RORA: variants seen among roughly 807,000 people sequenced by gnomAD.
The protein encoded by RORA is nuclear receptor ROR-alpha.
RORA carries 7 observed loss-of-function variants against 69.5 expected under a neutral mutation model. That is an observed-to-expected ratio of 0.10 (90% CI 0.06 to 0.19). The LOEUF (loss-of-function observed/expected upper bound fraction) is 0.19. Among genes scored for constraint, RORA ranks in the 10% least tolerant of loss-of-function variants. RORA has a pLI of 1.00. For synonymous variants in RORA, 261 were observed against 240.8 expected (o/e 1.08, Z -0.78); for missense variants, 457 against 663.0 (o/e 0.69, Z 3.41).
At chr15:60,892,772 A>G (rs1425358102) in intron 1 of RORA, among the ~76,000 whole-genome samples, 1 of 152,224 alleles carries the variant, frequency 6.6e-6, no homozygotes, top group Admixed American at 6.5e-5. Flanking sequence ...TCTTACTGTG[A>G]AAGAAATTTT....
intron 1 of RORA, among the ~76,000 whole-genome samples, chr15:61,129,306 T>C (rs1020300318): frequency 3.9e-5 from 6 of 152,178 alleles, no homozygotes; most frequent in Non-Finnish European, 7.4e-5. Context: ...ATGGCAATGT[T>C]TTCTTGAAAA....
chr15:60,520,515 A>G (rs1595902685), intron 3 of RORA, among the ~76,000 whole-genome samples: 1 of 152,190 alleles, frequency 6.6e-6, no homozygotes, highest in Admixed American at 6.5e-5. Context: ...GAAGAAGAAA[A>G]GTAGAAAGTG....
chr15:60,908,231 A>T (rs1891601050), intron 1 of RORA, among the ~76,000 whole-genome samples: 1 of 152,190 alleles, frequency 6.6e-6, no homozygotes, highest in South Asian at 2.1e-4. Context: ...GCCTGAGCTG[A>T]CCGTAGGGTG....
intron 1 of RORA, among the ~76,000 whole-genome samples, chr15:60,893,538 C>A (rs769307799): frequency 7.2e-5 from 11 of 152,192 alleles, no homozygotes; most frequent in Non-Finnish European, 1.5e-4. Context: ...ATCAAAGCAG[C>A]CGATATGCAG....
intron 1 of RORA, among the ~76,000 whole-genome samples, chr15:60,944,310 C>T (rs1892796740): frequency 6.6e-6 from 1 of 152,170 alleles, no homozygotes; most frequent in African/African-American, 2.4e-5. Context: ...GCTAGAACCA[C>T]TGGTCTAGAC....
At chr15:61,177,347 C>T (rs2079638821) in intron 1 of RORA, among the ~76,000 whole-genome samples, 2 of 152,080 alleles carry the variant, frequency 1.3e-5, no homozygotes, top group Non-Finnish European at 2.9e-5. Flanking sequence ...GCTTTTCACC[C>T]GAGACGTTTT....
chr15:60,892,397 T>G lies in RORA; in HGVS notation c.167-213711A>C, dbSNP rs183616437. 3.3e-5 allele frequency among the ~76,000 whole-genome samples: 5 copies of G among 152,312 alleles called. No individual in the cohort carries two copies. The East Asian group carries it at 9.6e-4, about 29-fold the overall frequency. On this transcript the variant is annotated intron_variant, in intron 1 of 10. Transcript: ENST00000335670. ...GGTAATTATATAGTGAAGGAGCCAG[T>G]GAAGAAAAACTTGAAGCTTTTGCAA...
chr15:60,895,202 G>C (rs141376278), intron 1 of RORA, among the ~76,000 whole-genome samples: 2 of 152,266 alleles, frequency 1.3e-5, no homozygotes, highest in African/African-American at 2.4e-5. Context: ...CTTGATACCC[G>C]GAGGCAAGAA....
chr15:60,523,143 G>A (rs2066233609), intron 3 of RORA, among the ~76,000 whole-genome samples: 1 of 152,148 alleles, frequency 6.6e-6, no homozygotes, highest in Non-Finnish European at 1.5e-5. Context: ...ATAAAAAGTG[G>A]AAGAAATGTT....
At chr15:60,704,300 G>T (rs777285112) in intron 1 of RORA, among the ~76,000 whole-genome samples, 23 of 152,236 alleles carry the variant, frequency 1.5e-4, no homozygotes, top group Non-Finnish European at 3.2e-4. Flanking sequence ...ACCGGCATGC[G>T]GTTGCAAGGA....
At chr15:60,614,890 G>A (rs772254119) in intron 2 of RORA, 13 of 1,608,874 alleles carry the variant, frequency 8.1e-6, no homozygotes, top group Admixed American at 3.3e-5. Context: ...CTCAAATAAC[G>A]CACCTTTTCT....
intron 1 of RORA, among the ~76,000 whole-genome samples, chr15:61,218,604 T>A (rs1270190646): frequency 6.6e-6 from 1 of 151,694 alleles, no homozygotes; most frequent in East Asian, 1.9e-4. Context: ...AATCCCAGCA[T>A]CCACAGATGA....
Position 60,986,913 on chromosome 15 carries a change from C to T in RORA, c.166+242140G>A, listed in dbSNP as rs183091122. On this transcript the variant is annotated intron_variant, in intron 1 of 10. Transcript: ENST00000335670. ...ACTGACACCTTGATTCAACACAATC[C>T]GCAGACCGGGTGATTAAATAAAGCA... 4.6e-5 allele frequency among the ~76,000 whole-genome samples: 7 copies of T among 152,268 alleles called. No individual in the cohort carries two copies. In the East Asian group the frequency reaches 5.8e-4, roughly 13 times the overall value.
rs1274825296 is a variant in RORA at position 61,061,108 on chromosome 15, C to T, written c.166+167945G>A. On this transcript the variant is annotated intron_variant, in intron 1 of 10. Coordinates refer to ENST00000335670, the MANE Select transcript of RORA (RefSeq NM_134261.3). The surrounding 1 kb of genome is among the most constrained non-coding windows in gnomAD (Gnocchi z 4.4). ...GTGGCTCGTGCCTGTAATCCCAGCACTTTGGGAGGCCGAGGCGGGCGGATC... is the reference window on the plus strand; with the variant it reads ...GTGGCTCGTGCCTGTAATCCCAGCATTTTGGGAGGCCGAGGCGGGCGGATC... Among the ~76,000 whole-genome samples, 3 of 152,276 alleles carry T rather than the reference C, an allele frequency of 2.0e-5. No homozygotes were observed. Among genetic ancestry groups the T allele is most frequent in the East Asian group, 1.9e-4 (1 of 5,172 alleles).
chr15:60,928,884 C>T (rs775946451), intron 1 of RORA, among the ~76,000 whole-genome samples: 7 of 152,248 alleles, frequency 4.6e-5, no homozygotes, highest in Non-Finnish European at 8.8e-5. Context: ...ACCAGGTGTA[C>T]AGCTAATCAT....
At chr15:61,041,236 C>T (rs1191116198) in intron 1 of RORA, 2 of 152,184 alleles carry the variant, frequency 1.3e-5, no homozygotes, top group Non-Finnish European at 2.9e-5. Flanking sequence ...CAGAGGTAAC[C>T]CTTAGGAAGC....
intron 1 of RORA, among the ~76,000 whole-genome samples, chr15:60,920,019 G>C (rs1316955392): frequency 6.6e-6 from 1 of 152,134 alleles, no homozygotes; most frequent in East Asian, 1.9e-4. Flanking sequence ...GCATACGAAG[G>C]AGAAGGGGAA....
At chr15:60,802,424 G>A (rs569823489) in intron 1 of RORA, among the ~76,000 whole-genome samples, 3 of 152,144 alleles carry the variant, frequency 2.0e-5, no homozygotes, top group African/African-American at 4.8e-5. Flanking sequence ...TTTGTTCATT[G>A]TGACTCTGTC....
intron 1 of RORA, among the ~76,000 whole-genome samples, chr15:61,227,559 C>T (rs1240832823): frequency 1.3e-5 from 2 of 151,152 alleles, no homozygotes; most frequent in Non-Finnish European, 2.9e-5. Flanking sequence ...AGCGCCTGGA[C>T]AGGGGGTGTG....
Sources: gnomAD v4.1 joint callset for allele counts (sites outside exome capture counted in the v4.1 genomes callset) on GRCh38, gnomAD v4.1.1 for gene constraint, Gnocchi (gnomAD v3.1) non-coding constraint, MANE v1.5 for transcripts, NCBI Gene and HGNC (gene_info 2026-07-23, HGNC 2026-07-21) for gene names.